Variants in TENM3 observed in about 807,000 individuals in gnomAD.
TENM3 encodes the protein teneurin transmembrane protein 3.
In TENM3, 63 loss-of-function variants were observed where a neutral mutation model predicts 255.1. That is an observed-to-expected ratio of 0.25 (90% CI 0.20 to 0.30). The LOEUF is 0.30. Among genes scored for constraint, TENM3 ranks in the 10% least tolerant of loss-of-function variants. TENM3 has a pLI of 1.00. For synonymous variants in TENM3, 1,306 were observed against 1,322.3 expected, an observed-to-expected ratio of 0.99 and a Z score of 0.27; for missense variants, 2,929 against 3,461.1, an observed-to-expected ratio of 0.85 and a Z score of 3.86.
At chr4:182,751,273 A>G (rs1762352880) in intron 19 of TENM3, among the ~76,000 whole-genome samples, 1 of 151,964 alleles carries the variant, frequency 6.6e-6, no homozygotes, top group South Asian at 2.1e-4. Context: ...CTGGATTATG[A>G]TAGAGCAACC....
chr4:181,460,439 T>C, the TENM3 span, among the ~76,000 whole-genome samples: 1 of 151,964 alleles, frequency 6.6e-6, no homozygotes, highest in Admixed American at 6.6e-5. Flanking sequence ...TGTATTTTTG[T>C]ATTATCTGAT....
the TENM3 span, among the ~76,000 whole-genome samples, chr4:182,126,995 ATGTATAAATGCATATG>A: frequency 6.6e-6 from 1 of 152,238 alleles, no homozygotes; most frequent in Non-Finnish European, 1.5e-5. Flanking sequence ...TAGCATGCAT[ATGTATAAATGCATATG>A]TGGTATTTAA....
At chr4:182,435,460 G>C (rs1010460283) in intron 3 of TENM3, among the ~76,000 whole-genome samples, 1 of 152,128 alleles carries the variant, frequency 6.6e-6, no homozygotes, top group Non-Finnish European at 1.5e-5. Context: ...GAAAAAAGAC[G>C]GGGGATCCTA....
At chr4:182,092,827 G>C in the TENM3 span, among the ~76,000 whole-genome samples, 1 of 152,128 alleles carries the variant, frequency 6.6e-6, no homozygotes, top group African/African-American at 2.4e-5. Flanking sequence ...TTAAGGTTAA[G>C]GTAGAAATCC....
rs772742807 is a variant in TENM3 at position 182,324,247 on chromosome 4, G to C, written c.227G>C (p.Arg76Thr). ...CACAGAGAAGCAGACGAGTTCACTA[G>C]ACAAGGTGGGTAACTGTCCTAGTAA... ...LVHREADEFT[R>T]QGQNFTLRQL... Residue 76 changes from arginine (R) to threonine (T), a missense_variant, in exon 2 of 28, where the codon AGA becomes ACA. Physicochemically the swap from Arg to Thr is moderately conservative, Grantham distance 71. Around this residue, in one of 6 missense-constraint regions of TENM3, gnomAD observed 283 missense variants for 256.9 expected, o/e 1.10. Coordinates refer to ENST00000511685, the MANE Select transcript of TENM3 (RefSeq NM_001080477.4). 32 of 1,610,112 alleles carry C rather than the reference G, an allele frequency of 2.0e-5. No homozygotes were observed. Among genetic ancestry groups the C allele is most frequent in the Non-Finnish European group, 2.7e-5 (32 of 1,176,452 alleles).
chr4:182,595,157 A>C (rs1448841523), intron 3 of TENM3, among the ~76,000 whole-genome samples: 1 of 152,150 alleles, frequency 6.6e-6, no homozygotes, highest in Non-Finnish European at 1.5e-5. Flanking sequence ...TAAATATGCC[A>C]TATTCATTGT....
the TENM3 span, among the ~76,000 whole-genome samples, chr4:181,707,966 T>A: frequency 6.6e-6 from 1 of 152,190 alleles, no homozygotes; most frequent in Non-Finnish European, 1.5e-5. Context: ...TCTTAGTCTT[T>A]TTTTTTCTGT....
At chr4:181,639,407 C>A in the TENM3 span, among the ~76,000 whole-genome samples, 1 of 152,202 alleles carries the variant, frequency 6.6e-6, no homozygotes, top group Non-Finnish European at 1.5e-5. Flanking sequence ...CTCCCTGCAG[C>A]ACTATGTCAC....
the TENM3 span, among the ~76,000 whole-genome samples, chr4:181,521,810 A>G: frequency 4.1e-3 from 624 of 152,220 alleles, 34 homozygotes; most frequent in East Asian, 0.1. Flanking sequence ...TAAGAAGCCA[A>G]TGTGGGCCGG....
chr4:182,164,063 G>A (rs924944623), intron 1 of TENM3, among the ~76,000 whole-genome samples: 14 of 152,156 alleles, frequency 9.2e-5, no homozygotes, highest in African/African-American at 3.1e-4. Context: ...CAGGGACCCT[G>A]TGAGAGTGAC....
At chr4:181,704,461 C>T in the TENM3 span, among the ~76,000 whole-genome samples, 1 of 152,160 alleles carries the variant, frequency 6.6e-6, no homozygotes, top group African/African-American at 2.4e-5. Context: ...TATCCCTCAC[C>T]AGTATGTCAT....
the TENM3 span, among the ~76,000 whole-genome samples, chr4:181,991,659 T>A: frequency 6.6e-6 from 1 of 152,100 alleles, no homozygotes; most frequent in African/African-American, 2.4e-5. Flanking sequence ...GTGGCACTAA[T>A]TGGTTGACAT....
chr4:182,717,267 C>T (rs534868429), intron 13 of TENM3, among the ~76,000 whole-genome samples: 1 of 152,230 alleles, frequency 6.6e-6, no homozygotes, highest in South Asian at 2.1e-4. Flanking sequence ...GTATGTCTGT[C>T]CCCCTTTATC....
intron 12 of TENM3, among the ~76,000 whole-genome samples, chr4:182,707,073 T>C (rs1758337055): frequency 6.6e-6 from 1 of 152,212 alleles, no homozygotes. Flanking sequence ...AAGTCACCTA[T>C]GCCTAGAAAG....
upstream of TENM3, among the ~76,000 whole-genome samples, chr4:182,238,545 A>G (rs1757032162): frequency 6.6e-6 from 1 of 152,138 alleles, no homozygotes. Context: ...CTTCACTAGC[A>G]GGGGTGCTCT....
At position 182,618,622 on chromosome 4, in the gene TENM3, TA is replaced by T. The variant is rs199546448; in HGVS notation, c.750-10016del. Among the ~76,000 whole-genome samples, 1,177 of 144,248 alleles carry T rather than the reference TA, an allele frequency of 8.2e-3. 32 individuals are homozygous for T. The East Asian group carries it at 0.094, about 12-fold the overall frequency. The allele number at this position is 144,248 out of a possible 152,430, so 94.6% of individuals were successfully genotyped here. On this transcript the variant is annotated intron_variant, in intron 4 of 27. Coordinates refer to ENST00000511685, the MANE Select transcript of TENM3 (RefSeq NM_001080477.4). ...AGCATGCCTGCTAAGACATGGGGTT[TA>T]AAAAAAAAAAAAGCAAAACAAATTA...
chr4:181,586,899 A>AT, the TENM3 span, among the ~76,000 whole-genome samples: 1 of 152,118 alleles, frequency 6.6e-6, no homozygotes, highest in African/African-American at 2.4e-5. Context: ...GCAGATCATT[A>AT]TTTTTTTCTT....
At chr4:182,094,544 C>A in the TENM3 span, among the ~76,000 whole-genome samples, 1 of 152,166 alleles carries the variant, frequency 6.6e-6, no homozygotes, top group Non-Finnish European at 1.5e-5. Context: ...CGGCACGCAG[C>A]CAGCCAGCCT....
chr4:182,461,074 G>T (rs1774286979), intron 3 of TENM3, among the ~76,000 whole-genome samples: 1 of 152,104 alleles, frequency 6.6e-6, no homozygotes, highest in Admixed American at 6.5e-5. Flanking sequence ...AACAGCTACT[G>T]ACTCTAAAAA....
Sources: gnomAD v4.1 joint callset for allele counts (sites outside exome capture counted in the v4.1 genomes callset) on GRCh38, gnomAD v4.1.1 for gene constraint, gnomAD v4.1.1 regional missense constraint, MANE v1.5 for transcripts, NCBI Gene and HGNC (gene_info 2026-07-23, HGNC 2026-07-21) for gene names.